Variants in MTX3 observed in about 807,000 individuals in gnomAD.
MTX3 encodes metaxin-3.
In MTX3, 27 loss-of-function variants were observed where a neutral mutation model predicts 42.5. The ratio of observed to expected loss-of-function variants is 0.64; its 90% CI spans 0.47 to 0.88. The LOEUF is 0.88. Ranked by LOEUF, MTX3 falls within the 40% of genes least tolerant of loss-of-function variation. The pLI, the probability that MTX3 is intolerant of heterozygous loss-of-function variation, is 0.00. For missense variants in MTX3, 378 were observed against 367.0 expected, an observed-to-expected ratio of 1.03 and a Z score of -0.25; for synonymous variants, 144 against 132.9, an observed-to-expected ratio of 1.08 and a Z score of -0.57.
At position 79,983,712 on chromosome 5, in the gene MTX3, T is replaced by C. The variant is rs1462756392; in HGVS notation, c.911A>G (p.Asn304Ser). 3.1e-6 allele frequency: 5 copies of C among 1,613,814 alleles called. No homozygotes were observed. Among genetic ancestry groups the C allele is most frequent in the Non-Finnish European group, 4.2e-6 (5 of 1,179,802 alleles). The change falls in exon 9 of 9, where the codon AAT (asparagine) becomes AGT (serine). Residue 304 changes from asparagine (N) to serine (S), a missense_variant. Asn to Ser is a conservative substitution (Grantham distance 46). Coordinates refer to ENST00000512528, the MANE Select transcript of MTX3 (RefSeq NM_001363818.2). ...TLKLTPAEEENNSFQRLSP is the reference protein window; with the variant it reads ...TLKLTPAEEESNSFQRLSP ...GGGCGAAAGCCGTTGGAAGGAATTA[T>C]TTTCTTCTTCTGCTGGAGTCAATTT...
intron 6 of MTX3, 48 bp downstream of exon 6, chr5:79,988,191 G>T: frequency 9.5e-7 from 1 of 1,053,300 alleles, no homozygotes; most frequent in Non-Finnish European, 1.4e-6. Context: ...GCTGCTCACT[G>T]AATATATGTG....
At chr5:79,990,714 G>A (rs1268108220) in intron 1 of MTX3, 51 bp from the exon 2 acceptor site, 4 of 1,346,962 alleles carry the variant, frequency 3.0e-6, no homozygotes, top group Non-Finnish European at 4.2e-6. Flanking sequence ...GTAATGCAAA[G>A]CTGCAGAGCA....
rs905013885 is a variant in MTX3 at position 79,990,504 on chromosome 5, C to T, written c.151+90G>A. ...CCAAGGTCACGGTAAGAAACTAAAT[C>T]CTCAATATTATAGCTATATACCTCA... On this transcript the variant is annotated intron_variant, in intron 2 of 8. Coordinates refer to ENST00000512528, the MANE Select transcript of MTX3 (RefSeq NM_001363818.2). 7 of 868,582 alleles carry T rather than the reference C, an allele frequency of 8.1e-6. No homozygotes were observed. The African/African-American group carries it at 1.0e-4, about 13-fold the overall frequency. 53.8% of individuals were successfully genotyped at this position (868,582 alleles called of 1,614,324 possible).
chr5:79,983,847 G>A, intron 8 of MTX3, 53 bp from the exon 9 acceptor site: 2 of 1,218,768 alleles, frequency 1.6e-6, no homozygotes, highest in Non-Finnish European at 2.4e-6. Flanking sequence ...CCGCTTATGT[G>A]GACTGTGGCC....
intron 4 of MTX3, 56 bp from the exon 5 acceptor site, chr5:79,988,700 A>T: frequency 1.4e-6 from 2 of 1,413,244 alleles, no homozygotes; most frequent in Non-Finnish European, 1.9e-6. Flanking sequence ...ATGAAAGATC[A>T]CTCAATCAAC....
chr5:79,990,518 C>T, intron 2 of MTX3, 76 bp downstream of exon 2: 1 of 934,390 alleles, frequency 1.1e-6, no homozygotes. Flanking sequence ...AATATTATAG[C>T]TATATACCTC....
In MTX3 at chr5:79,983,099, C is replaced by T. The variant is rs1831408623; in HGVS notation, c.*585G>A. 1 of 154,370 alleles carries T rather than the reference C, an allele frequency of 6.5e-6. No individual in the cohort carries two copies. Among genetic ancestry groups the T allele is most frequent in the Non-Finnish European group, 1.4e-5 (1 of 69,530 alleles). The allele number at this position is 154,370 out of a possible 1,614,324, so 9.6% of individuals were successfully genotyped here. ...ACCTTTAATATTTATCTATGTGCTA[C>T]TAAACCCCCAAAAGATTAGACTTAT... On this transcript the variant is annotated 3_prime_UTR_variant, in exon 9 of 9. Transcript: ENST00000512528.
At position 79,990,161 on chromosome 5, in the gene MTX3, T is replaced by A. The variant is rs185105621; in HGVS notation, c.227A>T (p.Gln76Leu). Residue 76 changes from glutamine to leucine, a missense_variant and splice_region_variant, in exon 3 of 9, where the codon CAG becomes CTG. Transcript: ENST00000512528. Reference protein sequence around the residue: ...PAKILNFLRKQKYNADYELSA... With the variant: ...PAKILNFLRKLKYNADYELSA... ...ACTTCTTCAAAGTGAACCACCCACC[T>A]GTTTTCTTAAAAAGTTTAGTATTTT... 6 of 1,602,842 alleles carry A rather than the reference T, an allele frequency of 3.7e-6. No individual in the cohort carries two copies.
In MTX3 at chr5:79,978,027, T is replaced by A. The variant is rs1333518121; in HGVS notation, c.*5657A>T. The A allele has an allele frequency of 1.3e-5, 2 of 152,168 alleles. No homozygotes were observed. Among genetic ancestry groups the A allele is most frequent in the African/African-American group, 4.8e-5 (2 of 41,448 alleles). 9.4% of individuals were successfully genotyped at this position (152,168 alleles called of 1,614,324 possible). A position where few individuals can be genotyped will look rare whatever the true frequency, so the allele number is the denominator to read the frequency against. On this transcript the variant is annotated 3_prime_UTR_variant, in exon 9 of 9. Coordinates refer to ENST00000512528, the MANE Select transcript of MTX3 (RefSeq NM_001363818.2). ...CCTTGTACAGCTGTTCCCGGCCAAC[T>A]GGGATCCTAAGGAAACAGGCTGGAA... is the stretch of plus-strand genomic sequence containing the variant.
At chr5:79,989,080 G>T in intron 4 of MTX3, 72 bp downstream of exon 4, 4 of 1,061,208 alleles carry the variant, frequency 3.8e-6, no homozygotes, top group Non-Finnish European at 5.4e-6. Flanking sequence ...TTTCTCATTG[G>T]TTTTTTTCTA....
chr5:79,985,676 G>T lies in MTX3; in HGVS notation c.740-17C>A. On this transcript the variant is annotated splice_polypyrimidine_tract_variant and intron_variant, in intron 7 of 8. Coordinates refer to ENST00000512528, the MANE Select transcript of MTX3 (RefSeq NM_001363818.2). ...GAGAGATGCCTAAGAAGCCAGGACA[G>T]AAATCAGAGAAAGACAGGAAATTTT... 1 of 1,574,996 alleles carries T rather than the reference G, an allele frequency of 6.3e-7. No homozygotes were observed. Among genetic ancestry groups the T allele is most frequent in the Non-Finnish European group, 8.7e-7 (1 of 1,149,350 alleles).
chr5:79,988,678 TTC>T (rs1434803564), intron 4 of MTX3, 34 bp from the exon 5 acceptor site: 1 of 1,496,574 alleles, frequency 6.7e-7, no homozygotes, highest in Non-Finnish European at 8.9e-7. Flanking sequence ...TACAAGGATG[TTC>T]TTTTATTAAA....
In MTX3 at chr5:79,985,653, G is replaced by A. The variant is rs752890836; in HGVS notation, c.746C>T (p.Ser249Phe). ...ATCTACCGTTTCTTGTCCAGCTGGAGAGATGCCTAAGAAGCCAGGACAGAA... is the reference window on the plus strand; with the variant it reads ...ATCTACCGTTTCTTGTCCAGCTGGAAAGATGCCTAAGAAGCCAGGACAGAA... ...SYFRLSLGGISPAGQETVDAN... is the reference protein window; with the variant it reads ...SYFRLSLGGIFPAGQETVDAN... Residue 249 changes from serine to phenylalanine, a missense_variant, in exon 8 of 9, where the codon TCT becomes TTT. Ser to Phe is a radical substitution (Grantham distance 155, BLOSUM62 -2). Coordinates refer to ENST00000512528, the MANE Select transcript of MTX3 (RefSeq NM_001363818.2). 3.7e-6 allele frequency: 6 copies of A among 1,610,418 alleles called. No individual in the cohort carries two copies. The East Asian group carries it at 1.1e-4, about 30-fold the overall frequency.
intron 6 of MTX3, among the ~76,000 whole-genome samples, chr5:79,987,457 A>G (rs939932144): frequency 1.3e-5 from 2 of 151,862 alleles, no homozygotes; most frequent in East Asian, 3.9e-4. Context: ...AAAAAAAAAA[A>G]AAAATTAAAT....
Position 79,985,587 on chromosome 5 carries a change from GATTCCTT to G in MTX3, c.805_811del (p.Lys269ProfsTer3). The G allele has an allele frequency of 6.2e-7, 1 of 1,610,396 alleles. No homozygotes were observed. Among genetic ancestry groups the G allele is most frequent in the Non-Finnish European group, 8.5e-7 (1 of 1,176,936 alleles). On this transcript the variant is annotated frameshift_variant, in exon 8 of 9. Transcript: ENST00000512528. LOFTEE classifies it high-confidence loss of function. ...AGACTTGACCTTTTCAATCAAGTTG[GATTCCTT>G]ATTTACAAGTTGTGTGAGTTTCTGC...
intron 4 of MTX3, 76 bp from the exon 5 acceptor site, chr5:79,988,720 T>G: frequency 7.8e-7 from 1 of 1,285,744 alleles, no homozygotes; most frequent in African/African-American, 1.5e-5. Flanking sequence ...CATGAGAGTT[T>G]TTCATAAATA....
At chr5:79,989,357 T>G in intron 3 of MTX3, 113 bp from the exon 4 acceptor site, 1 of 654,082 alleles carries the variant, frequency 1.5e-6, no homozygotes, top group Non-Finnish European at 2.6e-6. Context: ...AACGTGGTAT[T>G]AAAATGGGAG....
At chr5:79,986,576 C>G (rs1318340207) in intron 7 of MTX3, 17 of 348,492 alleles carry the variant, frequency 4.9e-5, no homozygotes, top group Non-Finnish European at 9.6e-5. Flanking sequence ...CTAGAAGCAG[C>G]AGGTAAAAAT....
At chr5:79,986,592 A>T in intron 7 of MTX3, 3 of 373,214 alleles carry the variant, frequency 8.0e-6, no homozygotes, top group South Asian at 6.0e-5. Context: ...AAAATCATTT[A>T]AAGTAATTGT....
Sources: allele counts gnomAD v4.1 joint callset (sites outside exome capture counted in the v4.1 genomes callset), GRCh38; gene constraint gnomAD v4.1.1; transcripts MANE v1.5; gene names NCBI Gene and HGNC (gene_info 2026-07-23, HGNC 2026-07-21).